TNFRSF11A: variants seen among roughly 807,000 people sequenced by gnomAD.
TNFRSF11A encodes the protein TNF receptor superfamily member 11a.
Under a neutral mutation model 55.7 loss-of-function variants are expected in TNFRSF11A, and 32 were observed. The ratio of observed to expected loss-of-function variants is 0.57; its 90% CI spans 0.43 to 0.77. The LOEUF (loss-of-function observed/expected upper bound fraction) is 0.77. TNFRSF11A is among the 30% of genes least tolerant of loss of function. The pLI is 0.00. For synonymous variants in TNFRSF11A, 311 were observed against 331.0 expected (o/e 0.94, Z 0.65); for missense variants, 753 against 809.8 (o/e 0.93, Z 0.85).
intron 9 of TNFRSF11A, chr18:62,372,907 AT>A (rs1278688462): frequency 6.6e-6 from 1 of 152,200 alleles, no homozygotes; most frequent in African/African-American, 2.4e-5. Flanking sequence ...TTTTCAATTA[AT>A]TTATTGAAGG....
chr18:62,338,742 T>A (rs2046270026), intron 1 of TNFRSF11A, among the ~76,000 whole-genome samples: 1 of 152,208 alleles, frequency 6.6e-6, no homozygotes, highest in South Asian at 2.1e-4. Flanking sequence ...AAATAGATAG[T>A]GGCAATCGTT....
intron 2 of TNFRSF11A, among the ~76,000 whole-genome samples, chr18:62,349,166 C>CTTTT (rs35392545): frequency 2.1e-5 from 3 of 143,322 alleles, no homozygotes; most frequent in Non-Finnish European, 1.5e-5. Context: ...CATTCTATTC[C>CTTTT]TTTTTTTTTT....
At chr18:62,372,224 T>C (rs1197542076) in intron 9 of TNFRSF11A, among the ~76,000 whole-genome samples, 2 of 152,232 alleles carry the variant, frequency 1.3e-5, no homozygotes, top group Non-Finnish European at 2.9e-5. Context: ...CTTCTGGTTA[T>C]GTCTTAAATA....
At chr18:62,357,562 G>C (rs1430152175) in intron 4 of TNFRSF11A, among the ~76,000 whole-genome samples, 2 of 152,208 alleles carry the variant, frequency 1.3e-5, no homozygotes, top group Non-Finnish European at 2.9e-5. Context: ...CTGCTTTCAT[G>C]CTATGAGTAG....
intron 4 of TNFRSF11A, among the ~76,000 whole-genome samples, chr18:62,356,484 T>A (rs1909264831): frequency 6.6e-6 from 1 of 152,238 alleles, no homozygotes; most frequent in African/African-American, 2.4e-5. Context: ...AGGGATTCTA[T>A]TAGACTTTCT....
At chr18:62,329,377 A>G (rs1264052132) in intron 1 of TNFRSF11A, among the ~76,000 whole-genome samples, 1 of 152,222 alleles carries the variant, frequency 6.6e-6, no homozygotes, top group East Asian at 1.9e-4. Flanking sequence ...CTGAGCACAC[A>G]GGCTGCTGAC....
chr18:62,349,132 T>C (rs1203025367), intron 2 of TNFRSF11A, among the ~76,000 whole-genome samples: 1 of 151,992 alleles, frequency 6.6e-6, no homozygotes, highest in Non-Finnish European at 1.5e-5. Context: ...ATCTTTCAAG[T>C]TCTGCGGCCC....
At chr18:62,345,723 T>C (rs1203368505) in intron 1 of TNFRSF11A, among the ~76,000 whole-genome samples, 1 of 152,200 alleles carries the variant, frequency 6.6e-6, no homozygotes, top group Non-Finnish European at 1.5e-5. Context: ...GGTCCGTGAA[T>C]TTTATACCTC....
rs986811813 is a variant in TNFRSF11A at position 62,390,924 on chromosome 18, C to A, written c.*5890C>A. ...AGATATATAGTTTTATGAGTTTTAA[C>A]AAAAATACATAGTTGTGTAACCACC... On this transcript the variant is annotated 3_prime_UTR_variant, in exon 10 of 10. Transcript: ENST00000586569. 6.6e-6 allele frequency: 1 copy of A among 152,122 alleles called. No individual in the cohort carries two copies. Among genetic ancestry groups the A allele is most frequent in the Non-Finnish European group, 1.5e-5 (1 of 68,008 alleles). The allele number at this position is 152,122 out of a possible 1,614,324, so 9.4% of individuals were successfully genotyped here.
In TNFRSF11A at chr18:62,361,683, C is replaced by T; in HGVS notation, c.620C>T (p.Pro207Leu). 6.2e-7 allele frequency: 1 copy of T among 1,613,550 alleles called. No homozygotes were observed. ...SLPARKPPNE[P>L]HVYLPGLIIL... Reference sequence around the variant, plus strand: ...TTCTCATTTTCTTCCAATACAGAACCCCATGTTTACTTGCCCGGTTTAATA... The same window carrying T: ...TTCTCATTTTCTTCCAATACAGAACTCCATGTTTACTTGCCCGGTTTAATA... Residue 207 changes from proline to leucine, a missense_variant, in exon 7 of 10, where the codon CCC becomes CTC. By Grantham distance (98) the Pro-to-Leu change is moderately conservative (BLOSUM62 -3). Coordinates refer to ENST00000586569, the MANE Select transcript of TNFRSF11A (RefSeq NM_003839.4).
chr18:62,350,015 G>T, intron 3 of TNFRSF11A, 78 bp downstream of exon 3: 1 of 1,588,050 alleles, frequency 6.3e-7, no homozygotes, highest in South Asian at 1.1e-5. Flanking sequence ...ATTTTTAGAG[G>T]CAGCCAATGA....
intron 3 of TNFRSF11A, among the ~76,000 whole-genome samples, chr18:62,353,752 C>T (rs986428053): frequency 1.1e-4 from 17 of 152,110 alleles, no homozygotes; most frequent in Admixed American, 2.6e-4. Flanking sequence ...GATCAATTCC[C>T]ACGTACCTGC....
intron 1 of TNFRSF11A, among the ~76,000 whole-genome samples, chr18:62,346,185 A>G (rs2036651709): frequency 6.6e-6 from 1 of 152,226 alleles, no homozygotes; most frequent in Admixed American, 6.5e-5. Context: ...GAAGCAATTA[A>G]TACCCTTTGT....
chr18:62,327,656 G>T (rs193120084), intron 1 of TNFRSF11A, among the ~76,000 whole-genome samples: 2 of 152,188 alleles, frequency 1.3e-5, no homozygotes, highest in African/African-American at 2.4e-5. Context: ...CAAACACCAG[G>T]CAAGACTTCA....
intron 9 of TNFRSF11A, among the ~76,000 whole-genome samples, 180 bp from the exon 10 acceptor site, chr18:62,384,571 T>C (rs1911547532): frequency 6.6e-6 from 1 of 150,706 alleles, no homozygotes; most frequent in Admixed American, 6.6e-5. Flanking sequence ...CCATTCCTCT[T>C]TTCTCTGCCC....
intron 1 of TNFRSF11A, among the ~76,000 whole-genome samples, chr18:62,342,584 A>C (rs1426886809): frequency 1.3e-5 from 2 of 152,088 alleles, no homozygotes; most frequent in Non-Finnish European, 2.9e-5. Context: ...TTTTCCTCAC[A>C]TTCACAGGCA....
At chr18:62,345,717 C>T (rs966140724) in intron 1 of TNFRSF11A, among the ~76,000 whole-genome samples, 3 of 151,916 alleles carry the variant, frequency 2.0e-5, no homozygotes, top group Non-Finnish European at 2.9e-5. Flanking sequence ...TTTTATGGTC[C>T]GTGAATTTTA....
At chr18:62,354,649 A>C in intron 4 of TNFRSF11A, 115 bp downstream of exon 4, 1 of 1,469,988 alleles carries the variant, frequency 6.8e-7, no homozygotes, top group Non-Finnish European at 9.3e-7. Context: ...GCATTGGAGG[A>C]ACCTGAGGGA....
chr18:62,356,769 A>G (rs937737168), intron 4 of TNFRSF11A, among the ~76,000 whole-genome samples: 2 of 152,220 alleles, frequency 1.3e-5, no homozygotes, highest in African/African-American at 4.8e-5. Context: ...GTTTGGCAGC[A>G]TAGCAGCAAA....
Sources: allele counts gnomAD v4.1 joint callset (sites outside exome capture counted in the v4.1 genomes callset), GRCh38; gene constraint gnomAD v4.1.1; transcripts MANE v1.5; gene names NCBI Gene and HGNC (gene_info 2026-07-23, HGNC 2026-07-21).